The following ZNF618 variants were observed in gnomAD, a reference collection of about 807,000 sequenced individuals.
The protein encoded by ZNF618 is neural precursor cell expressed, developmentally down-regulated 10.
In ZNF618, 34 loss-of-function variants were observed where a neutral mutation model predicts 103.0. That is an observed-to-expected ratio of 0.33 (90% CI 0.25 to 0.44). The LOEUF (loss-of-function observed/expected upper bound fraction) is 0.44, where lower values mean the gene tolerates loss of function less well. Among genes scored for constraint, ZNF618 ranks in the 20% least tolerant of loss-of-function variants. The pLI, the probability that ZNF618 is intolerant of heterozygous loss-of-function variation, is 1.00. For missense variants in ZNF618, 1,059 were observed against 1,295.4 expected (o/e 0.82, Z 2.80); for synonymous variants, 551 against 542.2 (o/e 1.02, Z -0.23).
At chr9:113,956,052 A>G (rs985235167) in intron 1 of ZNF618, among the ~76,000 whole-genome samples, 1 of 151,838 alleles carries the variant, frequency 6.6e-6, no homozygotes, top group Non-Finnish European at 1.5e-5. Flanking sequence ...TCTACTAAAT[A>G]CAAAAAAATA....
chr9:113,963,439 T>G (rs16911010), intron 1 of ZNF618, among the ~76,000 whole-genome samples: 26,215 of 152,172 alleles, frequency 0.17, 2,462 homozygotes, highest in Non-Finnish European at 0.22. Flanking sequence ...AAAGGGCATT[T>G]GAGCATGCAG....
At chr9:113,967,832 G>A (rs1019105138) in intron 1 of ZNF618, among the ~76,000 whole-genome samples, 1 of 152,230 alleles carries the variant, frequency 6.6e-6, no homozygotes, top group African/African-American at 2.4e-5. Flanking sequence ...AGGCTGTGGA[G>A]AGCCAAGTAT....
chr9:114,032,860 G>A (rs769754571), intron 12 of ZNF618, 132 bp downstream of exon 12: 5 of 799,886 alleles, frequency 6.3e-6, no homozygotes, highest in Non-Finnish European at 1.1e-5. Flanking sequence ...GAGGAGGCTG[G>A]GAGCAGGGAA....
intron 3 of ZNF618, among the ~76,000 whole-genome samples, chr9:113,994,639 G>T (rs969001020): frequency 6.6e-5 from 10 of 152,176 alleles, no homozygotes; most frequent in African/African-American, 2.4e-4. Context: ...CAGTAGAATT[G>T]TTGGGGGCAG....
At position 114,050,234 on chromosome 9, in the gene ZNF618, G is replaced by C; in HGVS notation, c.*67G>C. 6.8e-7 allele frequency: 1 copy of C among 1,480,408 alleles called. No individual in the cohort carries two copies. The highest frequency in any genetic ancestry group is 9.0e-7 in the Non-Finnish European group (1 of 1,116,332). The allele number at this position is 1,480,408 out of a possible 1,614,324, so 91.7% of individuals were successfully genotyped here. A position where few individuals can be genotyped will look rare whatever the true frequency, so the allele number is the denominator to read the frequency against. ...CATTAGAAAAAAACCACACAACACT[G>C]TCACAAAGAAAAGGAATTTAAGTTC... On this transcript the variant is annotated 3_prime_UTR_variant, in exon 15 of 15. Coordinates refer to ENST00000374126, the MANE Select transcript of ZNF618 (RefSeq NM_001318042.2).
At chr9:114,008,438 G>C (rs755428465) in intron 8 of ZNF618, 39 bp from the exon 9 acceptor site, 1 of 1,613,566 alleles carries the variant, frequency 6.2e-7, no homozygotes, top group Non-Finnish European at 8.5e-7. Context: ...CCTGAGACCT[G>C]GGGGACCAGG....
At chr9:113,954,403 TAGA>T (rs1836055049) in intron 1 of ZNF618, among the ~76,000 whole-genome samples, 1 of 152,278 alleles carries the variant, frequency 6.6e-6, no homozygotes, top group Admixed American at 6.5e-5. Context: ...TACAATATGC[TAGA>T]AGGATACCCA....
At chr9:113,941,791 A>C (rs1242368081) in intron 1 of ZNF618, among the ~76,000 whole-genome samples, 1 of 152,058 alleles carries the variant, frequency 6.6e-6, no homozygotes, top group East Asian at 1.9e-4. Flanking sequence ...ATTCTTCTTT[A>C]GTACTTGCAC....
At chr9:113,947,036 G>C (rs1835101666) in intron 1 of ZNF618, among the ~76,000 whole-genome samples, 1 of 152,166 alleles carries the variant, frequency 6.6e-6, no homozygotes, top group Non-Finnish European at 1.5e-5. Context: ...CATCTCCCCT[G>C]TCCCCTTCTG....
intron 1 of ZNF618, among the ~76,000 whole-genome samples, chr9:113,899,833 C>T (rs936137848): frequency 5.9e-5 from 9 of 152,184 alleles, no homozygotes; most frequent in African/African-American, 2.2e-4. Context: ...TTGAATAATA[C>T]TGTCATATGT....
In ZNF618 at chr9:113,903,389, A is replaced by G. The variant is rs1003847489; in HGVS notation, c.33+26976A>G. On this transcript the variant is annotated intron_variant, in intron 1 of 14. Transcript: ENST00000374126. ...ACATTTACAGATACAACTGGGAGCC[A>G]TTCATACTGTTTTACAGCTTAGCTT... 9.2e-5 allele frequency among the ~76,000 whole-genome samples: 14 copies of G among 152,028 alleles called. 1 individual carries two copies. Among genetic ancestry groups the G allele is most frequent in the Non-Finnish European group, 2.9e-5 (2 of 68,020 alleles).
rs1262636888 is a variant in ZNF618 at position 114,053,420 on chromosome 9, C to G, written c.*3253C>G. 6.6e-6 allele frequency: 1 copy of G among 152,372 alleles called. No homozygotes were observed. Among genetic ancestry groups the G allele is most frequent in the Admixed American group, 6.5e-5 (1 of 15,290 alleles). The allele number at this position is 152,372 out of a possible 1,614,324, so 9.4% of individuals were successfully genotyped here. A position where few individuals can be genotyped will look rare whatever the true frequency, so the allele number is the denominator to read the frequency against. ...GAATTTGGGCCGTTTCTACCATATT[C>G]TCAGCAGCCTAAGGTGGTGGCCTGC... On this transcript the variant is annotated 3_prime_UTR_variant, in exon 15 of 15. Transcript: ENST00000374126.
At chr9:113,958,732 G>A (rs925774497) in intron 1 of ZNF618, among the ~76,000 whole-genome samples, 1 of 152,138 alleles carries the variant, frequency 6.6e-6, no homozygotes, top group Non-Finnish European at 1.5e-5. Context: ...GAGCCTGGGG[G>A]CATTTTGCTT....
chr9:113,948,652 C>G (rs534004368), intron 1 of ZNF618, among the ~76,000 whole-genome samples: 1 of 152,340 alleles, frequency 6.6e-6, no homozygotes, highest in East Asian at 1.9e-4. Context: ...TTGTGCCACT[C>G]GTCCATCCAC....
At chr9:114,004,727 C>G (rs981881274) in intron 6 of ZNF618, among the ~76,000 whole-genome samples, 1 of 152,210 alleles carries the variant, frequency 6.6e-6, no homozygotes, top group African/African-American at 2.4e-5. Context: ...CTTACAGAAG[C>G]CTGGCCATGG....
At chr9:114,006,535 A>G (rs529622574) in intron 6 of ZNF618, among the ~76,000 whole-genome samples, 5 of 152,336 alleles carry the variant, frequency 3.3e-5, no homozygotes, top group Admixed American at 6.5e-5. Context: ...GATGTTGGGT[A>G]GACCCAGGGG....
chr9:113,969,276 G>A (rs939553344), intron 2 of ZNF618, 116 bp downstream of exon 2: 13 of 1,266,144 alleles, frequency 1.0e-5, no homozygotes, highest in Non-Finnish European at 1.5e-5. Flanking sequence ...GTCCAGGCCA[G>A]CCCTCCTTGG....
chr9:114,016,858 C>G, intron 10 of ZNF618, 74 bp downstream of exon 10: 1 of 1,241,306 alleles, frequency 8.1e-7, no homozygotes. Context: ...GGCCAGGCCT[C>G]TGGAATTTGG....
chr9:114,022,764 T>A (rs972322475), intron 10 of ZNF618, among the ~76,000 whole-genome samples: 4 of 152,076 alleles, frequency 2.6e-5, no homozygotes, highest in African/African-American at 4.8e-5. Context: ...AATGGTGGAT[T>A]TGTCTATTTC....
Sources: allele counts gnomAD v4.1 joint callset (sites outside exome capture counted in the v4.1 genomes callset), GRCh38; gene constraint gnomAD v4.1.1; transcripts MANE v1.5; gene names NCBI Gene and HGNC (gene_info 2026-07-23, HGNC 2026-07-21).